KIRREL2: variants seen among roughly 807,000 people sequenced by gnomAD.
KIRREL2 encodes kin of IRRE-like protein 2.
A neutral mutation model predicts 73.4 loss-of-function variants in KIRREL2; 56 were observed. The observed-to-expected ratio is 0.76, with a 90% confidence interval of 0.62 to 0.95. The LOEUF (loss-of-function observed/expected upper bound fraction) is 0.95, where lower values mean the gene tolerates loss of function less well. Among genes scored for constraint, KIRREL2 ranks in the 40% least tolerant of loss-of-function variants. The pLI is 0.00. For missense variants in KIRREL2, 896 were observed against 935.0 expected (o/e 0.96, Z 0.54); for synonymous variants, 407 against 404.0 (o/e 1.01, Z -0.09).
Position 35,862,610 on chromosome 19 carries a change from G to A in KIRREL2, c.1615+13G>A. 1.3e-6 allele frequency: 2 copies of A among 1,589,292 alleles called. No homozygotes were observed. Among genetic ancestry groups the A allele is most frequent in the Non-Finnish European group, 1.7e-6 (2 of 1,166,358 alleles). On this transcript the variant is annotated intron_variant, in intron 12 of 14. Coordinates refer to ENST00000360202, the MANE Select transcript of KIRREL2 (RefSeq NM_199180.4). ...CGCCACAGCAAGGGTTAGTGCCTGA[G>A]CCCCGCCCCGGCTCCCGAGGCCCCA...
At chr19:35,862,713 C>G in intron 12 of KIRREL2, 116 bp downstream of exon 12, 2 of 808,708 alleles carry the variant, frequency 2.5e-6, no homozygotes, top group Non-Finnish European at 4.1e-6. Context: ...CAGCTCTGCA[C>G]AGGGCTTAGC....
chr19:35,856,745 C>A (rs186318366), upstream of KIRREL2: 1,312 of 386,638 alleles, frequency 3.4e-3, 18 homozygotes, highest in African/African-American at 0.026. This position sits in a 1 kb window ranked among gnomAD's most constrained non-coding sequence, Gnocchi z 5.9. Flanking sequence ...GTTCCGGCTC[C>A]CAGACCCCAA....
In KIRREL2 at chr19:35,860,302, C is replaced by G; in HGVS notation, c.679C>G (p.Pro227Ala). 6.2e-7 allele frequency: 1 copy of G among 1,613,980 alleles called. No homozygotes were observed. The highest frequency in any genetic ancestry group is 2.2e-5 in the East Asian group (1 of 44,880). Residue 227 changes from proline to alanine, a missense_variant, in exon 6 of 15, where the codon CCA (proline) becomes GCA (alanine). Pro to Ala is a conservative substitution (Grantham distance 27). Transcript: ENST00000360202. ...CCATTGTCCCACCCTCACAGACCCC[C>G]CAGAGGTGACTCTGTCTGCTTCGCC... ...TAITLSLQYPPEVTLSASPHT... is the reference protein window; with the variant it reads ...TAITLSLQYPAEVTLSASPHT...
chr19:35,851,406 AG>A, upstream of KIRREL2: 1 of 1,612,764 alleles, frequency 6.2e-7, no homozygotes, highest in Non-Finnish European at 8.5e-7. Flanking sequence ...GCCGGAAGTC[AG>A]GGCCGCAGCT....
At chr19:35,859,332 C>T (rs1973562815) in intron 4 of KIRREL2, 149 bp from the exon 5 acceptor site, 1 of 701,692 alleles carries the variant, frequency 1.4e-6, no homozygotes, top group Non-Finnish European at 2.3e-6. Flanking sequence ...CATTATGAGA[C>T]TTTTTTGTAA....
chr19:35,864,601 CG>C lies in KIRREL2; in HGVS notation c.1726-41del, dbSNP rs779856987. 9.3e-6 allele frequency: 14 copies of C among 1,507,810 alleles called. No individual in the cohort carries two copies. In the South Asian group the frequency reaches 1.4e-4, roughly 15 times the overall value. 93.4% of individuals were successfully genotyped at this position (1,507,810 alleles called of 1,614,324 possible). A position where few individuals can be genotyped will look rare whatever the true frequency, so the allele number is the denominator to read the frequency against. On this transcript the variant is annotated intron_variant, in intron 13 of 14. Transcript: ENST00000360202. ...AGGTCCTTGGGGTCTGGCATTGGGG[CG>C]GGGGGATCCTCTGACTATTCCCTCT...
chr19:35,855,656 T>TAC (rs57458964), upstream of KIRREL2, among the ~76,000 whole-genome samples: 2,771 of 84,872 alleles, frequency 0.033, 92 homozygotes, highest in Admixed American at 0.041. Context: ...CACCTCCCCA[T>TAC]ACACACACAC....
Position 35,862,598 on chromosome 19 carries a change from G to T in KIRREL2, c.1615+1G>T, listed in dbSNP as rs1484849153. The stretch of plus-strand genomic sequence containing the variant: ...CTCTGCTGCTGGCGCCACAGCAAGG[G>T]TTAGTGCCTGAGCCCCGCCCCGGCT... On this transcript the variant is annotated splice_donor_variant, in intron 12 of 14. Coordinates refer to ENST00000360202, the MANE Select transcript of KIRREL2 (RefSeq NM_199180.4). LOFTEE classifies it high-confidence loss of function. The T allele has an allele frequency of 1.2e-6, 2 of 1,602,532 alleles. No homozygotes were observed. Among genetic ancestry groups the T allele is most frequent in the African/African-American group, 1.3e-5 (1 of 74,962 alleles).
upstream of KIRREL2, among the ~76,000 whole-genome samples, chr19:35,854,313 TTCTTTTTTC>T (rs376810864): frequency 3.6e-4 from 55 of 151,968 alleles, no homozygotes; most frequent in African/African-American, 1.2e-3. Context: ...TTTCTTTTTT[TTCTTTTTTC>T]TCTTTTTTCT....
In KIRREL2 at chr19:35,861,903, G is replaced by A. The variant is rs138555592; in HGVS notation, c.1389G>A (p.Pro463=). The part of the protein sequence containing the change: ...PAPESRGGLG[P]GLISVLHISG... ...CAGAGAGCCGCGGGGGACTGGGTCC[G>A]GGCCTGATCTCTGTGCTACACATTT... Residue 463 remains proline (P), a synonymous_variant, in exon 11 of 15, where the codon CCG becomes CCA. Coordinates refer to ENST00000360202, the MANE Select transcript of KIRREL2 (RefSeq NM_199180.4). The A allele has an allele frequency of 2.1e-5, 33 of 1,607,510 alleles. No homozygotes were observed. The South Asian group carries it at 3.2e-4, about 16-fold the overall frequency.
In KIRREL2 at chr19:35,860,420, C is replaced by T. The variant is rs1248736259; in HGVS notation, c.779+18C>T. 1.9e-6 allele frequency: 3 copies of T among 1,610,850 alleles called. No individual in the cohort carries two copies. The highest frequency in any genetic ancestry group is 1.1e-5 in the South Asian group (1 of 91,006). ...GGCTACAGGTGAGGACGAAGACCCA[C>T]CTCTCCCCAGCCCCAAGAGTGAGCT... is the stretch of plus-strand genomic sequence containing the variant. On this transcript the variant is annotated intron_variant, in intron 6 of 14. Transcript: ENST00000360202.
chr19:35,854,004 C>A (rs375939737), upstream of KIRREL2, among the ~76,000 whole-genome samples: 12 of 152,154 alleles, frequency 7.9e-5, no homozygotes, highest in African/African-American at 2.6e-4. Context: ...ACCACCACAC[C>A]CAGCTAATTT....
Position 35,861,733 on chromosome 19 carries a change from T to C in KIRREL2, c.1291-72T>C. The C allele has an allele frequency of 4.4e-6, 7 of 1,586,084 alleles. No homozygotes were observed. In the South Asian group the frequency reaches 6.7e-5, roughly 15 times the overall value. On this transcript the variant is annotated intron_variant, in intron 10 of 14. Coordinates refer to ENST00000360202, the MANE Select transcript of KIRREL2 (RefSeq NM_199180.4). ...GAAACTACTGTGACCATTTCTGACT[T>C]CCCAGACATCCCTCCTGCTTCTTCC...
intron 13 of KIRREL2, among the ~76,000 whole-genome samples, chr19:35,863,752 T>C (rs1202396350): frequency 1.4e-5 from 2 of 146,062 alleles, no homozygotes; most frequent in African/African-American, 2.5e-5. Context: ...ACGCCCGGCC[T>C]GAGGGCTCAA....
upstream of KIRREL2, among the ~76,000 whole-genome samples, chr19:35,854,132 G>A (rs953685935): frequency 1.3e-5 from 2 of 151,068 alleles, no homozygotes; most frequent in South Asian, 2.1e-4. Context: ...GGTGGGAGCC[G>A]CTGCACCCCG....
At chr19:35,860,146 T>C in intron 5 of KIRREL2, 151 bp from the exon 6 acceptor site, 1 of 628,076 alleles carries the variant, frequency 1.6e-6, no homozygotes, top group Non-Finnish European at 2.8e-6. Flanking sequence ...CTGGGGAAAT[T>C]GGGAACTGAA....
intron 9 of KIRREL2, 77 bp from the exon 10 acceptor site, chr19:35,861,464 T>C: frequency 1.3e-6 from 2 of 1,513,234 alleles, no homozygotes; most frequent in Non-Finnish European, 9.1e-7. Flanking sequence ...GAGAGTGCGC[T>C]GGACAGACCC....
Position 35,857,115 on chromosome 19 carries a change from G to C in KIRREL2, c.-5G>C, listed in dbSNP as rs779376159. ...ACGGCAAATCTCGTGAACCTTGGGG[G>C]ACGAATGCTCAGGATGCGGGTCCCC... is the stretch of plus-strand genomic sequence containing the variant. On this transcript the variant is annotated 5_prime_UTR_variant, in exon 1 of 15. Transcript: ENST00000360202. 2.8e-5 allele frequency: 45 copies of C among 1,613,670 alleles called. No homozygotes were observed. Among genetic ancestry groups the C allele is most frequent in the Non-Finnish European group, 2.5e-5 (29 of 1,179,982 alleles).
At chr19:35,865,173 CTT>C (rs35569940) in intron 14 of KIRREL2, among the ~76,000 whole-genome samples, 3 of 105,214 alleles carry the variant, frequency 2.9e-5, no homozygotes, top group Non-Finnish European at 5.2e-5. Context: ...TCTCTCTCTT[CTT>C]TTTTTTTTTT....
Sources: allele counts gnomAD v4.1 joint callset (sites outside exome capture counted in the v4.1 genomes callset), GRCh38; gene constraint gnomAD v4.1.1; non-coding constraint Gnocchi (gnomAD v3.1); transcripts MANE v1.5; gene names NCBI Gene and HGNC (gene_info 2026-07-23, HGNC 2026-07-21).